The following SEC22C variants were observed in gnomAD, a reference collection of about 807,000 sequenced individuals.
The protein encoded by SEC22C is SEC22 homolog C, vesicle trafficking protein, also known as vesicle-trafficking protein SEC22c.
A neutral mutation model predicts 34.7 loss-of-function variants in SEC22C; 29 were observed. The ratio of observed to expected loss-of-function variants is 0.84; its 90% CI spans 0.62 to 1.14. The LOEUF is 1.14. Ranked by LOEUF, SEC22C falls within the 50% of genes most tolerant of loss-of-function variation. The pLI is 0.00. For missense variants in SEC22C, 337 were observed against 369.0 expected (o/e 0.91, Z 0.71); for synonymous variants, 117 against 132.8 (o/e 0.88, Z 0.82).
chr3:42,575,887 C>T (rs920211712), intron 1 of SEC22C, among the ~76,000 whole-genome samples: 17 of 152,054 alleles, frequency 1.1e-4, no homozygotes, highest in Non-Finnish European at 2.2e-4. Context: ...TCTGGGAGGC[C>T]GAGGTGGGAG....
chr3:42,564,057 T>G (rs1577317872), intron 2 of SEC22C: 2 of 729,148 alleles, frequency 2.7e-6, no homozygotes, highest in Non-Finnish European at 3.8e-6. Flanking sequence ...CATCCTAAAA[T>G]AAGCCCTTGT....
At chr3:42,601,044 T>C in exon 1 of SEC22C, 2 of 1,582,540 alleles carry the variant, frequency 1.3e-6, no homozygotes, top group Non-Finnish European at 1.7e-6. Context: ...CACTTCGACA[T>C]CGAGATCAAC....
intron 3 of SEC22C, 23 bp from the exon 4 acceptor site, chr3:42,561,319 G>A: frequency 6.2e-7 from 1 of 1,610,498 alleles, no homozygotes; most frequent in Non-Finnish European, 8.5e-7. Flanking sequence ...AGCAACACAA[G>A]TTAAGCATTT....
chr3:42,596,566 A>C (rs1705037349), intron 1 of SEC22C, among the ~76,000 whole-genome samples: 1 of 152,200 alleles, frequency 6.6e-6, no homozygotes, highest in Non-Finnish European at 1.5e-5. Context: ...CTTGGAAGAG[A>C]TGGAGGAGGT....
chr3:42,594,654 G>C, intron 1 of SEC22C: 1 of 592,480 alleles, frequency 1.7e-6, no homozygotes, highest in Non-Finnish European at 2.9e-6. Context: ...CTTTCGAAAC[G>C]TGAAAATGTG....
Position 42,551,258 on chromosome 3 carries a change from G to A in SEC22C, c.*1990C>T. 4.1e-6 allele frequency: 4 copies of A among 985,372 alleles called. No homozygotes were observed. Among genetic ancestry groups the A allele is most frequent in the Non-Finnish European group, 4.8e-6 (4 of 829,932 alleles). 61.0% of individuals were successfully genotyped at this position (985,372 alleles called of 1,614,324 possible). A position where few individuals can be genotyped will look rare whatever the true frequency, so the allele number is the denominator to read the frequency against. On this transcript the variant is annotated 3_prime_UTR_variant, in exon 7 of 7. Transcript: ENST00000264454. ...CAGAAAAACTGAAAATTCACCTGCT[G>A]GGTATGCAGAAAATTATGCAGATGT... is the stretch of plus-strand genomic sequence containing the variant.
At chr3:42,561,843 A>T (rs1355845642) in intron 3 of SEC22C, among the ~76,000 whole-genome samples, 1 of 152,232 alleles carries the variant, frequency 6.6e-6, no homozygotes, top group Non-Finnish European at 1.5e-5. Context: ...GCAATAATGC[A>T]TCACAGAACC....
At chr3:42,583,942 G>A (rs557037539), upstream of SEC22C, among the ~76,000 whole-genome samples, 1 of 152,198 alleles carries the variant, frequency 6.6e-6, no homozygotes, top group African/African-American at 2.4e-5. Flanking sequence ...TTGGGCCTTG[G>A]ACTGGGAGAT....
chr3:42,574,721 G>A (rs1275319134), intron 1 of SEC22C, among the ~76,000 whole-genome samples: 3 of 152,084 alleles, frequency 2.0e-5, no homozygotes, highest in Non-Finnish European at 4.4e-5. Flanking sequence ...CACATCAGGA[G>A]ACCACAACAA....
intron 1 of SEC22C, among the ~76,000 whole-genome samples, chr3:42,596,053 C>G (rs9812673): frequency 6.6e-6 from 1 of 151,096 alleles, no homozygotes; most frequent in South Asian, 2.1e-4. Context: ...TTTTTTGAGA[C>G]GGAATCTCGC....
intron 1 of SEC22C, among the ~76,000 whole-genome samples, chr3:42,576,928 G>A (rs1328372139): frequency 1.3e-5 from 2 of 152,120 alleles, no homozygotes; most frequent in Non-Finnish European, 2.9e-5. Flanking sequence ...TGGAGGAATA[G>A]ACATAGATCA....
At chr3:42,575,546 T>G (rs984301336) in intron 1 of SEC22C, among the ~76,000 whole-genome samples, 3 of 152,160 alleles carry the variant, frequency 2.0e-5, no homozygotes, top group Non-Finnish European at 4.4e-5. Context: ...TACATAATGA[T>G]AAAAGAATAA....
chr3:42,587,005 T>G (rs1332789342), upstream of SEC22C, among the ~76,000 whole-genome samples: 1 of 152,160 alleles, frequency 6.6e-6, no homozygotes, highest in Non-Finnish European at 1.5e-5. Context: ...TTTCTTTCCC[T>G]CCCCACTTGA....
chr3:42,566,184 T>C (rs552200364), intron 2 of SEC22C, among the ~76,000 whole-genome samples: 12 of 152,278 alleles, frequency 7.9e-5, no homozygotes, highest in African/African-American at 2.9e-4. Flanking sequence ...AACTCAGTGT[T>C]TGCTCCTAAA....
At chr3:42,593,373 C>T (rs1406162469) in intron 1 of SEC22C, among the ~76,000 whole-genome samples, 3 of 152,276 alleles carry the variant, frequency 2.0e-5, no homozygotes, top group Admixed American at 1.3e-4. Flanking sequence ...GCCAAGATCA[C>T]GCCACTGCAC....
Position 42,548,978 on chromosome 3 carries a change from C to G in SEC22C, c.*4270G>C, listed in dbSNP as rs564065564. The stretch of plus-strand genomic sequence containing the variant: ...GCGGGGGGGCAGATTGATGTTATCA[C>G]CATTTACCAGATGAGGAAACTGAGG... On this transcript the variant is annotated 3_prime_UTR_variant, in exon 7 of 7. Coordinates refer to ENST00000264454, the MANE Select transcript of SEC22C (RefSeq NM_032970.4). The G allele has an allele frequency of 9.1e-7, 1 of 1,104,708 alleles. No homozygotes were observed. Among genetic ancestry groups the G allele is most frequent in the African/African-American group, 1.6e-5 (1 of 62,930 alleles). 68.4% of individuals were successfully genotyped at this position (1,104,708 alleles called of 1,614,324 possible). A position where few individuals can be genotyped will look rare whatever the true frequency, so the allele number is the denominator to read the frequency against.
chr3:42,593,935 G>A (rs554766257), intron 1 of SEC22C, among the ~76,000 whole-genome samples: 6 of 152,282 alleles, frequency 3.9e-5, no homozygotes, highest in Admixed American at 6.5e-5. Context: ...CACAGAAGGA[G>A]GCCACTGTGG....
intron 2 of SEC22C, chr3:42,563,986 G>A (rs1007821775): frequency 2.5e-5 from 31 of 1,256,618 alleles, no homozygotes; most frequent in Non-Finnish European, 3.1e-5. Context: ...CACATCTATT[G>A]AGAAAACGTT....
chr3:42,555,888 G>A, intron 6 of SEC22C, 42 bp downstream of exon 6: 1 of 1,459,920 alleles, frequency 6.8e-7, no homozygotes, highest in Non-Finnish European at 9.6e-7. Flanking sequence ...ACAAAGTAAG[G>A]TCATGGATTT....
Sources: allele counts gnomAD v4.1 joint callset (sites outside exome capture counted in the v4.1 genomes callset), GRCh38; gene constraint gnomAD v4.1.1; transcripts MANE v1.5; gene names NCBI Gene and HGNC (gene_info 2026-07-23, HGNC 2026-07-21).